SEMA4D: variants seen among roughly 807,000 people sequenced by gnomAD.
SEMA4D encodes the protein semaphorin 4D.
A neutral mutation model predicts 74.8 loss-of-function variants in SEMA4D; 22 were observed. That is an observed-to-expected ratio of 0.29 (90% CI 0.21 to 0.42). SEMA4D has a LOEUF of 0.42. Ranked by LOEUF, SEMA4D falls within the 10% of genes least tolerant of loss-of-function variation. SEMA4D has a pLI of 1.00. For synonymous variants in SEMA4D, 445 were observed against 463.7 expected (o/e 0.96, Z 0.52); for missense variants, 937 against 1,118.4 (o/e 0.84, Z 2.31).
At chr9:89,471,312 C>T (rs1349197437) in intron 1 of SEMA4D, among the ~76,000 whole-genome samples, 1 of 152,150 alleles carries the variant, frequency 6.6e-6, no homozygotes, top group Non-Finnish European at 1.5e-5. Flanking sequence ...TATGGATGTA[C>T]TTAATGCCAC....
In SEMA4D at chr9:89,387,459, G is replaced by A. The variant is rs1471140037; in HGVS notation, c.1257C>T (p.Asn419=). 2 of 1,614,106 alleles carry A rather than the reference G, an allele frequency of 1.2e-6. No individual in the cohort carries two copies. The highest frequency in any genetic ancestry group is 2.7e-5 in the African/African-American group (2 of 74,940). ...NRPRLIKKDV[N]YTQIVVDRTQ... The stretch of plus-strand genomic sequence containing the variant: ...TCCGGTCCACCACGATCTGGGTGTA[G>A]TTCACATCTTTCTTGATTAACCTGG... Residue 419 remains asparagine, a synonymous_variant, in exon 12 of 16, where the codon AAC becomes AAT. Transcript: ENST00000422704.
At chr9:89,404,279 G>A (rs1006499934) in intron 3 of SEMA4D, among the ~76,000 whole-genome samples, 3 of 152,256 alleles carry the variant, frequency 2.0e-5, no homozygotes, top group Non-Finnish European at 4.4e-5. Context: ...CAGACGCTCA[G>A]TGGGGCGGGT....
chr9:89,453,233 A>C (rs1855054551), intron 2 of SEMA4D, among the ~76,000 whole-genome samples: 1 of 151,914 alleles, frequency 6.6e-6, no homozygotes, highest in Admixed American at 6.5e-5. Flanking sequence ...GCACTTTATA[A>C]AGACTACAGG....
chr9:89,451,640 A>G (rs1284423954), intron 2 of SEMA4D, among the ~76,000 whole-genome samples: 2 of 152,252 alleles, frequency 1.3e-5, no homozygotes, highest in Admixed American at 1.3e-4. Context: ...GACTTTGTAG[A>G]GAAAGGTGAC....
intron 1 of SEMA4D, among the ~76,000 whole-genome samples, chr9:89,463,471 CT>C (rs1234520332): frequency 1.3e-5 from 2 of 152,188 alleles, no homozygotes; most frequent in Non-Finnish European, 2.9e-5. Flanking sequence ...TACTTGGGGG[CT>C]TTTCATGATC....
intron 16 of SEMA4D, among the ~76,000 whole-genome samples, chr9:89,371,213 G>C: frequency 1.5e-5 from 2 of 133,604 alleles, no homozygotes; most frequent in South Asian, 2.5e-4. Flanking sequence ...GGTGTGGTGT[G>C]TGGGGTGTGG....
downstream of SEMA4D, among the ~76,000 whole-genome samples, chr9:89,374,248 C>T (rs1164254426): frequency 6.6e-6 from 1 of 152,238 alleles, no homozygotes; most frequent in Non-Finnish European, 1.5e-5. Context: ...CCTCCCTCAG[C>T]TCCCCTACCC....
intron 5 of SEMA4D, 146 bp from the exon 6 acceptor site, chr9:89,396,981 G>A (rs1841110480): frequency 1.3e-5 from 9 of 690,512 alleles, no homozygotes; most frequent in Admixed American, 6.8e-5. Flanking sequence ...CGAGGCATGT[G>A]TGCATTCTCA....
At chr9:89,364,589 C>T (rs919722682) in intron 16 of SEMA4D, 2 of 159,614 alleles carry the variant, frequency 1.3e-5, no homozygotes, top group Non-Finnish European at 2.8e-5. Flanking sequence ...CAGCCTTGAG[C>T]ATGGACTCTG....
At chr9:89,465,356 A>T (rs1015754505) in intron 1 of SEMA4D, among the ~76,000 whole-genome samples, 2 of 152,216 alleles carry the variant, frequency 1.3e-5, no homozygotes, top group Non-Finnish European at 2.9e-5. Context: ...AAAAATGACC[A>T]TGCATTAAAA....
At chr9:89,406,027 C>T (rs1466203503) in intron 2 of SEMA4D, 2 of 737,088 alleles carry the variant, frequency 2.7e-6, no homozygotes, top group South Asian at 6.1e-5. Context: ...TGTGTGGCTG[C>T]TGTGTCCAGC....
intron 4 of SEMA4D, 146 bp from the exon 5 acceptor site, chr9:89,399,484 A>G: frequency 1.6e-6 from 1 of 638,596 alleles, no homozygotes; most frequent in Non-Finnish European, 2.8e-6. Flanking sequence ...GGAGGTTCAG[A>G]GAGCAGGGGA....
intron 2 of SEMA4D, among the ~76,000 whole-genome samples, chr9:89,429,166 G>A (rs1848718392): frequency 6.6e-6 from 1 of 152,212 alleles, no homozygotes; most frequent in Non-Finnish European, 1.5e-5. Flanking sequence ...GTGGCATGTA[G>A]CCTGGCTCTC....
chr9:89,448,824 A>G (rs1031329044), intron 2 of SEMA4D, among the ~76,000 whole-genome samples: 3 of 152,222 alleles, frequency 2.0e-5, no homozygotes, highest in African/African-American at 7.2e-5. Flanking sequence ...CCAGGACTCC[A>G]GCGTGTGTCC....
At chr9:89,450,703 A>G in intron 2 of SEMA4D, 10 of 1,189,604 alleles carry the variant, frequency 8.4e-6, no homozygotes, top group Admixed American at 4.6e-5. Context: ...CCAAGACTGC[A>G]GAGAATGCCA....
downstream of SEMA4D, among the ~76,000 whole-genome samples, chr9:89,373,551 G>A (rs577590834): frequency 2.0e-5 from 3 of 152,302 alleles, no homozygotes; most frequent in East Asian, 1.9e-4. Context: ...GCACCAGGAC[G>A]CAGCATGGGG....
Position 89,461,700 on chromosome 9 carries a change from C to CTCTTTTT in SEMA4D, c.-309-5748_-309-5747insAAAAAGA, listed in dbSNP as rs71281350. On this transcript the variant is annotated intron_variant, in intron 1 of 15. Coordinates refer to ENST00000422704, the MANE Select transcript of SEMA4D (RefSeq NM_001371194.2). ...GGGCCAATGTGTATTTCTTTTTTCT[C>CTCTTTTT]TTTTTTTTTTTTTTTTTTTGGAGAC... Among the ~76,000 whole-genome samples, 47 of 103,666 alleles carry CTCTTTTT rather than the reference C, an allele frequency of 4.5e-4. 2 individuals are homozygous for CTCTTTTT. Among genetic ancestry groups the CTCTTTTT allele is most frequent in the Non-Finnish European group, 5.5e-4 (29 of 52,278 alleles). The allele number at this position is 103,666 out of a possible 152,430, so 68.0% of individuals were successfully genotyped here.
At chr9:89,447,024 C>G (rs1213559374) in intron 2 of SEMA4D, among the ~76,000 whole-genome samples, 1 of 152,128 alleles carries the variant, frequency 6.6e-6, no homozygotes, top group Non-Finnish European at 1.5e-5. Flanking sequence ...ATCTGTCCAT[C>G]TCATCTCCCA....
intron 2 of SEMA4D, among the ~76,000 whole-genome samples, chr9:89,428,856 T>C (rs1388445179): frequency 1.3e-5 from 2 of 152,224 alleles, no homozygotes; most frequent in African/African-American, 4.8e-5. Context: ...CATCTCCACC[T>C]TGTCAGCAGC....
Sources: gnomAD v4.1 joint callset for allele counts (sites outside exome capture counted in the v4.1 genomes callset) on GRCh38, gnomAD v4.1.1 for gene constraint, MANE v1.5 for transcripts, NCBI Gene and HGNC (gene_info 2026-07-23, HGNC 2026-07-21) for gene names.